SCN11A: variants seen among roughly 807,000 people sequenced by gnomAD.
SCN11A encodes the protein sodium voltage-gated channel alpha subunit 11, also known as sodium channel protein type 11 subunit alpha.
SCN11A carries 122 observed loss-of-function variants against 162.2 expected under a neutral mutation model. The ratio of observed to expected loss-of-function variants is 0.75; its 90% confidence interval spans 0.65 to 0.87. The LOEUF (loss-of-function observed/expected upper bound fraction) is 0.87. SCN11A is among the 40% of genes least tolerant of loss of function. The probability of loss-of-function intolerance (pLI) is 0.00; values close to 1 mark genes in which losing one functional copy is unlikely to be tolerated. For synonymous variants in SCN11A, 758 were observed against 751.5 expected, an observed-to-expected ratio of 1.01 and a Z score of -0.14; for missense variants, 2,015 against 2,181.6, an observed-to-expected ratio of 0.92 and a Z score of 1.52.
chr3:38,893,144 T>C (rs915480115), intron 19 of SCN11A, among the ~76,000 whole-genome samples: 41 of 151,928 alleles, frequency 2.7e-4, no homozygotes, highest in African/African-American at 9.9e-4. Flanking sequence ...AAGATATAAA[T>C]AGATTGAAAA....
At chr3:39,046,253 C>T in intron 1 of SCN11A, among the ~76,000 whole-genome samples, 1 of 121,344 alleles carries the variant, frequency 8.2e-6, no homozygotes, top group Non-Finnish European at 1.6e-5. Context: ...GAGTGAGACT[C>T]TGTCTCAAAA....
chr3:38,873,341 T>C (rs1055190375), intron 23 of SCN11A, among the ~76,000 whole-genome samples: 2 of 152,034 alleles, frequency 1.3e-5, no homozygotes, highest in African/African-American at 2.4e-5. Flanking sequence ...GATGTCAGAG[T>C]TCACTATTAC....
At chr3:38,974,127 T>G (rs2066833346) in intron 2 of SCN11A, among the ~76,000 whole-genome samples, 1 of 151,878 alleles carries the variant, frequency 6.6e-6, no homozygotes, top group East Asian at 1.9e-4. Context: ...ATGTAAAAAC[T>G]AATAGAAAAG....
intron 1 of SCN11A, among the ~76,000 whole-genome samples, chr3:39,046,292 A>G (rs1256616028): frequency 9.6e-6 from 1 of 104,622 alleles, no homozygotes; most frequent in East Asian, 3.2e-4. Context: ...GAAGGAAGGA[A>G]GGGAGGGAGG....
At chr3:39,009,267 C>A (rs6599275) in intron 2 of SCN11A, among the ~76,000 whole-genome samples, 72,826 of 151,748 alleles carry the variant, frequency 0.48, 21,344 homozygotes, top group African/African-American at 0.84. Flanking sequence ...TTAGTATTTT[C>A]ATGTATTAAT....
At chr3:39,036,798 T>C (rs867638160) in intron 1 of SCN11A, among the ~76,000 whole-genome samples, 2 of 152,286 alleles carry the variant, frequency 1.3e-5, no homozygotes, top group South Asian at 2.1e-4. Context: ...TCACCCCAGT[T>C]AAAATGGCTT....
intron 2 of SCN11A, among the ~76,000 whole-genome samples, chr3:38,966,542 A>G (rs147120524): frequency 6.6e-6 from 1 of 152,312 alleles, no homozygotes; most frequent in East Asian, 1.9e-4. Context: ...ATGTGTAGCA[A>G]CCAAGTCAGG....
At chr3:38,974,694 C>CAAAAAAA (rs773028321) in intron 2 of SCN11A, among the ~76,000 whole-genome samples, 9 of 48,122 alleles carry the variant, frequency 1.9e-4, no homozygotes, top group African/African-American at 5.6e-4. Flanking sequence ...GACTCCGTCT[C>CAAAAAAA]AAAAAAAAAA....
Position 38,926,884 on chromosome 3 carries a change from A to G in SCN11A, c.536T>C (p.Leu179Ser), listed in dbSNP as rs1366324984. The change falls in exon 8 of 30, where the codon TTG (leucine) becomes TCG (serine). Residue 179 changes from leucine to serine, a missense_variant. Leu to Ser is a moderately radical substitution (Grantham distance 145, BLOSUM62 -2). Transcript: ENST00000302328. ...CTCATCCAGAATGAAACCTCTTGCCAATATTTTAATCAAAGCTTCAAAAAT... is the reference window on the plus strand; with the variant it reads ...CTCATCCAGAATGAAACCTCTTGCCGATATTTTAATCAAAGCTTCAAAAAT... ...IYIFEALIKI[L>S]ARGFILDEFS... The G allele has an allele frequency of 6.2e-7, 1 of 1,613,252 alleles. No homozygotes were observed. Among genetic ancestry groups the G allele is most frequent in the South Asian group, 1.1e-5 (1 of 91,056 alleles).
intron 2 of SCN11A, among the ~76,000 whole-genome samples, chr3:38,961,417 G>T (rs2066739849): frequency 6.6e-6 from 1 of 152,150 alleles, no homozygotes; most frequent in Non-Finnish European, 1.5e-5. Flanking sequence ...CCCCTACTAA[G>T]CCAACACCCA....
chr3:38,950,593 A>T, intron 4 of SCN11A: 1 of 532,840 alleles, frequency 1.9e-6, no homozygotes, highest in Admixed American at 3.1e-5. Context: ...AAAGCAGGGC[A>T]TCATTCCTGG....
At chr3:38,955,559 T>C (rs1203190507) in intron 3 of SCN11A, among the ~76,000 whole-genome samples, 6 of 152,210 alleles carry the variant, frequency 3.9e-5, no homozygotes, top group Non-Finnish European at 7.3e-5. Flanking sequence ...CAAGCTGTAA[T>C]TGGTAAAATT....
intron 28 of SCN11A, among the ~76,000 whole-genome samples, chr3:38,851,771 G>A (rs1263996279): frequency 6.6e-6 from 1 of 152,156 alleles, no homozygotes; most frequent in Non-Finnish European, 1.5e-5. Flanking sequence ...ACACCCAAGG[G>A]ATCTGTTATA....
chr3:39,041,132 T>C (rs759142613), intron 1 of SCN11A, among the ~76,000 whole-genome samples: 2 of 152,006 alleles, frequency 1.3e-5, no homozygotes, highest in Non-Finnish European at 2.9e-5. Flanking sequence ...GACAGGTCTT[T>C]TGAAATAACC....
intron 2 of SCN11A, among the ~76,000 whole-genome samples, chr3:38,963,387 GATGGAGATATA>G (rs1289000637): frequency 0.039 from 1,901 of 48,690 alleles, 142 homozygotes; most frequent in African/African-American, 0.16. Flanking sequence ...ATATATATAT[GATGGAGATATA>G]TATATATATA....
chr3:38,895,658 CTGGTGGGTGTA>C (rs1275421068), intron 18 of SCN11A, among the ~76,000 whole-genome samples: 3 of 152,174 alleles, frequency 2.0e-5, no homozygotes, highest in Non-Finnish European at 4.4e-5. Context: ...AGAGAAGTGC[CTGGTGGGTGTA>C]AATGGGTCTA....
chr3:39,012,137 C>T lies in SCN11A; in HGVS notation c.-280+20243G>A, dbSNP rs551900936. ...GGTCGGAAGTTCGAGACCAGACTGA[C>T]CAACATGGAGAAACCCCTTCTCTAC... On this transcript the variant is annotated intron_variant, in intron 2 of 29. Coordinates refer to ENST00000302328, the MANE Select transcript of SCN11A (RefSeq NM_001349253.2). Among the ~76,000 whole-genome samples the T allele has an allele frequency of 5.4e-3, 824 of 152,062 alleles. 7 individuals carry two copies. The highest frequency in any genetic ancestry group is 0.015 in the African/African-American group (633 of 41,480).
chr3:38,921,695 T>C (rs1362717790), intron 9 of SCN11A, among the ~76,000 whole-genome samples: 3 of 152,154 alleles, frequency 2.0e-5, no homozygotes, highest in African/African-American at 7.2e-5. Context: ...CACAGCTAAA[T>C]TGTGGGGTAT....
intron 2 of SCN11A, among the ~76,000 whole-genome samples, chr3:38,984,461 T>G (rs1332097746): frequency 6.6e-6 from 1 of 152,082 alleles, no homozygotes; most frequent in Non-Finnish European, 1.5e-5. Flanking sequence ...AAGGGAGATA[T>G]TGATATTGAA....
Sources: allele counts gnomAD v4.1 joint callset (sites outside exome capture counted in the v4.1 genomes callset), GRCh38; gene constraint gnomAD v4.1.1; transcripts MANE v1.5; gene names NCBI Gene and HGNC (gene_info 2026-07-23, HGNC 2026-07-21).